The following ACIN1 variants were observed in gnomAD, a reference collection of about 807,000 sequenced individuals.
ACIN1 encodes apoptotic chromatin condensation inducer in the nucleus.
Under a neutral mutation model 146.6 loss-of-function variants are expected in ACIN1, and 16 were observed. The observed-to-expected ratio is 0.11, with a 90% CI of 0.07 to 0.17. The LOEUF (loss-of-function observed/expected upper bound fraction) is 0.17. Among genes scored for constraint, ACIN1 ranks in the 10% least tolerant of loss-of-function variants. The probability of loss-of-function intolerance (pLI) is 1.00; values close to 1 mark genes in which losing one functional copy is unlikely to be tolerated. For synonymous variants in ACIN1, 569 were observed against 582.7 expected, an observed-to-expected ratio of 0.98 and a Z score of 0.34; for missense variants, 1,357 against 1,609.3, an observed-to-expected ratio of 0.84 and a Z score of 2.68.
Position 23,079,984 on chromosome 14 carries a change from G to C in ACIN1, c.1351C>G (p.Leu451Val). 1 of 1,614,102 alleles carries C rather than the reference G, an allele frequency of 6.2e-7. No homozygotes were observed. The highest frequency in any genetic ancestry group is 1.1e-5 in the South Asian group (1 of 91,072). The change falls in exon 6 of 19, where the codon CTG becomes GTG. Residue 451 changes from leucine (L) to valine (V), a missense_variant. Leu to Val is a conservative substitution (Grantham distance 32). This residue lies in a region of ACIN1 where 771 missense variants were observed against 746.6 expected (regional missense o/e 1.03). Coordinates refer to ENST00000605057, the MANE Select transcript of ACIN1 (RefSeq NM_001386863.1). Reference protein sequence around the residue: ...SVLPLVQKSTLADYSAQKDLE... With the variant: ...SVLPLVQKSTVADYSAQKDLE... ...TCCTTCTGGGCTGAGTAGTCAGCCA[G>C]TGTGCTTTTCTGAACCAGAGGCAGG...
intron 8 of ACIN1, among the ~76,000 whole-genome samples, chr14:23,076,920 A>C (rs1222041239): frequency 6.6e-6 from 1 of 152,188 alleles, no homozygotes; most frequent in Non-Finnish European, 1.5e-5. Flanking sequence ...CCAGAAGAAA[A>C]ACCCTTTTCC....
At position 23,062,599 on chromosome 14, in the gene ACIN1, T is replaced by C. The variant is rs963822662; in HGVS notation, c.2884-76A>G. 18 of 1,356,078 alleles carry C rather than the reference T, an allele frequency of 1.3e-5. No individual in the cohort carries two copies. The Admixed American group carries it at 2.2e-4, about 17-fold the overall frequency. 84.0% of individuals were successfully genotyped at this position (1,356,078 alleles called of 1,614,324 possible). ...CCAATCTTTAGATTTCCCGAGCTGC[T>C]GTCACAGGAGTATAGTTTCAAGGTT... On this transcript the variant is annotated intron_variant, in intron 14 of 18. Coordinates refer to ENST00000605057, the MANE Select transcript of ACIN1 (RefSeq NM_001386863.1).
chr14:23,091,884 A>G (rs1566760088), intron 2 of ACIN1, among the ~76,000 whole-genome samples: 1 of 152,182 alleles, frequency 6.6e-6, no homozygotes, highest in Non-Finnish European at 1.5e-5. Flanking sequence ...TTGGCCTCCC[A>G]AAGTGCTAGC....
At chr14:23,071,241 GAA>G in intron 8 of ACIN1, 2 of 1,494,606 alleles carry the variant, frequency 1.3e-6, no homozygotes, top group Non-Finnish European at 1.8e-6. Context: ...AAAAAATAAA[GAA>G]AAAAAACCAC....
chr14:23,059,094 C>A lies in ACIN1; in HGVS notation c.*54G>T. On this transcript the variant is annotated 3_prime_UTR_variant, in exon 19 of 19. Transcript: ENST00000605057. The stretch of plus-strand genomic sequence containing the variant: ...GGAGACTGTGCCTATCCCTCTGTGG[C>A]CATAACCCCCTGGGGCCGAGTGGCT... 2 of 1,562,726 alleles carry A rather than the reference C, an allele frequency of 1.3e-6. No homozygotes were observed. The highest frequency in any genetic ancestry group is 1.7e-5 in the Admixed American group (1 of 58,922).
intron 18 of ACIN1, 68 bp downstream of exon 18, chr14:23,061,016 A>G: frequency 6.9e-7 from 1 of 1,454,052 alleles, no homozygotes. Context: ...CAGTCACATG[A>G]ATCTCCCCTC....
chr14:23,078,420 G>A (rs939164207), intron 7 of ACIN1, among the ~76,000 whole-genome samples, 154 bp from the exon 8 acceptor site: 2 of 152,218 alleles, frequency 1.3e-5, no homozygotes, highest in African/African-American at 4.8e-5. Flanking sequence ...TTAGAATAAG[G>A]AAAGGAACAT....
At chr14:23,062,902 C>A in intron 14 of ACIN1, 27 bp downstream of exon 14, 2 of 1,586,798 alleles carry the variant, frequency 1.3e-6, no homozygotes, top group Non-Finnish European at 1.7e-6. Context: ...ACTAAGCAAG[C>A]TGGGATGGTG....
chr14:23,083,556 C>A (rs1185945040), intron 4 of ACIN1, among the ~76,000 whole-genome samples: 1 of 152,110 alleles, frequency 6.6e-6, no homozygotes, highest in Non-Finnish European at 1.5e-5. Flanking sequence ...CATGGTGAAA[C>A]CCTGTCTCTA....
intron 1 of ACIN1, 66 bp downstream of exon 1, chr14:23,094,909 C>T (rs914729226): frequency 1.5e-5 from 23 of 1,506,300 alleles, no homozygotes; most frequent in Non-Finnish European, 1.9e-5. Flanking sequence ...GCGCCTGCGC[C>T]GCGGCAGAGG....
chr14:23,094,590 T>G, intron 1 of ACIN1: 1 of 959,614 alleles, frequency 1.0e-6, no homozygotes, highest in Non-Finnish European at 1.2e-6. Context: ...ACTATACCCC[T>G]AACTCCGACC....
At chr14:23,073,911 T>C (rs1168665760) in intron 8 of ACIN1, among the ~76,000 whole-genome samples, 1 of 148,100 alleles carries the variant, frequency 6.8e-6, no homozygotes, top group Non-Finnish European at 1.5e-5. Context: ...CAATCTCAGC[T>C]CACTGCAAGC....
rs1264919016 is a variant in ACIN1 at position 23,078,281 on chromosome 14, C to A, written c.2008-15G>T. The A allele has an allele frequency of 1.9e-6, 3 of 1,609,404 alleles. No individual in the cohort carries two copies. The highest frequency in any genetic ancestry group is 2.6e-6 in the Non-Finnish European group (3 of 1,176,444). ...TTTGGGCTCCCCTGTCAGGAGATAG[C>A]AAAAACGAACAGAGCAAAACATTTA... On this transcript the variant is annotated splice_polypyrimidine_tract_variant and intron_variant, in intron 7 of 18. Transcript: ENST00000605057.
chr14:23,087,026 A>C (rs2048106467), intron 4 of ACIN1, among the ~76,000 whole-genome samples: 2 of 140,102 alleles, frequency 1.4e-5, no homozygotes, highest in South Asian at 2.4e-4. Context: ...GTAATATTAA[A>C]ACAAATAAAA....
intron 15 of ACIN1, 25 bp from the exon 16 acceptor site, chr14:23,062,300 A>AG: frequency 1.2e-6 from 2 of 1,607,344 alleles, no homozygotes; most frequent in Non-Finnish European, 1.7e-6. Flanking sequence ...GAGAAGATGG[A>AG]GGGTCACAGT....
intron 14 of ACIN1, 84 bp from the exon 15 acceptor site, chr14:23,062,607 G>A: frequency 1.5e-6 from 2 of 1,319,650 alleles, no homozygotes; most frequent in South Asian, 1.2e-5. Flanking sequence ...GCTGTCACAG[G>A]AGTATAGTTT....
In ACIN1 at chr14:23,061,737, G is replaced by C. The variant is rs2047288928; in HGVS notation, c.3100-115C>G. 1.3e-5 allele frequency: 12 copies of C among 913,500 alleles called. No homozygotes were observed. In the East Asian group the frequency reaches 3.2e-4, roughly 24 times the overall value. 56.6% of individuals were successfully genotyped at this position (913,500 alleles called of 1,614,324 possible). The stretch of plus-strand genomic sequence containing the variant: ...GCCTGTAATCCCAGCACTTTGGGAG[G>C]CCAAGGCGGTCAGATCACGAGGTCA... On this transcript the variant is annotated intron_variant, in intron 16 of 18. Transcript: ENST00000605057.
At chr14:23,087,937 C>T (rs557675402) in intron 4 of ACIN1, among the ~76,000 whole-genome samples, 105 of 152,336 alleles carry the variant, frequency 6.9e-4, no homozygotes, top group African/African-American at 2.5e-3. Flanking sequence ...ATTTCTAAGG[C>T]TCAGCTCAAA....
At chr14:23,089,764 A>G (rs2048179937) in intron 4 of ACIN1, among the ~76,000 whole-genome samples, 1 of 152,246 alleles carries the variant, frequency 6.6e-6, no homozygotes, top group Non-Finnish European at 1.5e-5. Flanking sequence ...AAGAAAAATC[A>G]CACTGCTTCG....
Sources: gnomAD v4.1 joint callset for allele counts (sites outside exome capture counted in the v4.1 genomes callset) on GRCh38, gnomAD v4.1.1 for gene constraint, gnomAD v4.1.1 regional missense constraint, MANE v1.5 for transcripts, NCBI Gene and HGNC (gene_info 2026-07-23, HGNC 2026-07-21) for gene names.